Variants in CPNE4 observed in about 807,000 individuals in gnomAD.
CPNE4 encodes copine 4.
Under a neutral mutation model 67.9 loss-of-function variants are expected in CPNE4, and 25 were observed. That is an observed-to-expected ratio of 0.37 (90% CI 0.27 to 0.51). The LOEUF is 0.51. CPNE4 is among the 20% of genes least tolerant of loss of function. The probability of loss-of-function intolerance (pLI) is 0.93; values close to 1 mark genes in which losing one functional copy is unlikely to be tolerated. For synonymous variants in CPNE4, 242 were observed against 244.9 expected (o/e 0.99, Z 0.11); for missense variants, 464 against 690.8 (o/e 0.67, Z 3.68).
upstream of CPNE4, among the ~76,000 whole-genome samples, chr3:132,036,475 A>G (rs2074341109): frequency 6.6e-6 from 1 of 152,206 alleles, no homozygotes; most frequent in African/African-American, 2.4e-5. Context: ...TCCTACCAGG[A>G]AAGGGGAGAC....
At chr3:131,757,782 C>T (rs2107807781) in intron 2 of CPNE4, among the ~76,000 whole-genome samples, 1 of 152,326 alleles carries the variant, frequency 6.6e-6, no homozygotes, top group Non-Finnish European at 1.5e-5. Context: ...CCCAGGGTCC[C>T]TGTGCTGTGT....
chr3:132,002,363 T>C (rs916830699), intron 1 of CPNE4, among the ~76,000 whole-genome samples: 8 of 152,150 alleles, frequency 5.3e-5, no homozygotes, highest in Non-Finnish European at 2.9e-5. Flanking sequence ...GTCACTTTTA[T>C]GAAACTCTTG....
At chr3:131,981,520 G>A (rs2072908978) in intron 1 of CPNE4, among the ~76,000 whole-genome samples, 1 of 152,140 alleles carries the variant, frequency 6.6e-6, no homozygotes, top group Non-Finnish European at 1.5e-5. Context: ...ACAAACTGAA[G>A]AGCCAGTCTC....
At chr3:132,013,522 A>C (rs2073820984) in intron 1 of CPNE4, among the ~76,000 whole-genome samples, 2 of 152,298 alleles carry the variant, frequency 1.3e-5, no homozygotes, top group African/African-American at 4.8e-5. Flanking sequence ...AATTATCAGA[A>C]CCCAAGGTCA....
chr3:131,899,485 A>G (rs993347077), intron 2 of CPNE4, among the ~76,000 whole-genome samples: 6 of 152,094 alleles, frequency 3.9e-5, no homozygotes, highest in African/African-American at 1.4e-4. Flanking sequence ...GACAACAGAA[A>G]GGCCACCAGA....
intron 1 of CPNE4, among the ~76,000 whole-genome samples, chr3:132,031,551 G>A (rs1279680709): frequency 6.6e-6 from 1 of 152,068 alleles, no homozygotes; most frequent in African/African-American, 2.4e-5. Flanking sequence ...CTTTGTTCTG[G>A]ATTCAGACCA....
intron 7 of CPNE4, among the ~76,000 whole-genome samples, chr3:131,588,102 C>G (rs1938301302): frequency 6.6e-6 from 1 of 151,918 alleles, no homozygotes; most frequent in African/African-American, 2.4e-5. Context: ...GCAATGACAA[C>G]AAAAATTATT....
chr3:131,910,014 A>G (rs2088918176), intron 1 of CPNE4, among the ~76,000 whole-genome samples: 1 of 152,160 alleles, frequency 6.6e-6, no homozygotes. Context: ...AATATTTGAT[A>G]AAGATCAGTC....
chr3:131,594,985 A>C (rs1938758071), intron 7 of CPNE4, among the ~76,000 whole-genome samples: 1 of 152,198 alleles, frequency 6.6e-6, no homozygotes. Flanking sequence ...AGAAAAATGC[A>C]AATCAAACTC....
intron 2 of CPNE4, among the ~76,000 whole-genome samples, chr3:131,779,689 T>C (rs556598028): frequency 1.1e-4 from 17 of 152,178 alleles, no homozygotes; most frequent in African/African-American, 4.1e-4. Flanking sequence ...CAACTCAAGA[T>C]GGATCAAAGA....
intron 1 of CPNE4, among the ~76,000 whole-genome samples, chr3:131,970,536 G>C (rs866737631): frequency 6.6e-6 from 1 of 152,148 alleles, no homozygotes; most frequent in Non-Finnish European, 1.5e-5. Flanking sequence ...ATTTGGGCAA[G>C]AAGCATATAA....
chr3:131,844,319 T>C (rs62280883), intron 2 of CPNE4, among the ~76,000 whole-genome samples: 35,314 of 149,560 alleles, frequency 0.24, 4,726 homozygotes, highest in Middle Eastern at 0.34. Flanking sequence ...GGAGCTGGAG[T>C]GCAGTGGCAC....
intron 2 of CPNE4, among the ~76,000 whole-genome samples, chr3:131,798,769 C>A (rs762212929): frequency 5.3e-5 from 8 of 152,086 alleles, no homozygotes; most frequent in Non-Finnish European, 1.2e-4. Flanking sequence ...AAATAATCAG[C>A]TGAATTAGGA....
intron 1 of CPNE4, among the ~76,000 whole-genome samples, chr3:132,018,755 A>T (rs1321487208): frequency 6.6e-6 from 1 of 152,248 alleles, no homozygotes; most frequent in East Asian, 1.9e-4. Flanking sequence ...TGCAGAAATA[A>T]AATGGGCAGC....
In CPNE4 at chr3:131,792,623, A is replaced by ATATATATATACACGTGTATATATG. The variant is rs1560321051; in HGVS notation, c.181-68999_181-68998insCATATATACACGTGTATATATATA. Among the ~76,000 whole-genome samples, 245 of 76,008 alleles carry ATATATATATACACGTGTATATATG rather than the reference A, an allele frequency of 3.2e-3. 10 individuals carry two copies. Among genetic ancestry groups the ATATATATATACACGTGTATATATG allele is most frequent in the East Asian group, 0.011 (18 of 1,700 alleles). The allele number at this position is 76,008 out of a possible 152,430, so 49.9% of individuals were successfully genotyped here. ...TATATGTGTGTGTGTATATATGTAT[A>ATATATATATACACGTGTATATATG]TATATATACACACGTGTATATATGT... On this transcript the variant is annotated intron_variant, in intron 2 of 15. Transcript: ENST00000429747.
chr3:131,819,654 G>T (rs1271206989), intron 2 of CPNE4, among the ~76,000 whole-genome samples: 1 of 152,094 alleles, frequency 6.6e-6, no homozygotes, highest in Non-Finnish European at 1.5e-5. Context: ...TAGCAACCAC[G>T]GTTGCCAACA....
intron 2 of CPNE4, among the ~76,000 whole-genome samples, chr3:131,764,144 C>A (rs1173728224): frequency 6.6e-6 from 1 of 151,878 alleles, no homozygotes; most frequent in Non-Finnish European, 1.5e-5. Flanking sequence ...ACTCAGTGTT[C>A]TCAAACTCTA....
At chr3:131,689,472 AG>A (rs1242423143) in intron 5 of CPNE4, among the ~76,000 whole-genome samples, 2 of 152,160 alleles carry the variant, frequency 1.3e-5, no homozygotes, top group East Asian at 1.9e-4. Flanking sequence ...CAATAGACGT[AG>A]GAAAAAAGGT....
intron 2 of CPNE4, among the ~76,000 whole-genome samples, chr3:131,848,502 CTTG>C (rs1009891153): frequency 3.3e-5 from 5 of 152,060 alleles, no homozygotes; most frequent in African/African-American, 1.2e-4. Flanking sequence ...GGGAGGACTA[CTTG>C]TTGTTAAATA....
Sources: allele counts gnomAD v4.1 joint callset (sites outside exome capture counted in the v4.1 genomes callset), GRCh38; gene constraint gnomAD v4.1.1; transcripts MANE v1.5; gene names NCBI Gene and HGNC (gene_info 2026-07-23, HGNC 2026-07-21).